RUNX1: variants seen among roughly 807,000 people sequenced by gnomAD.
The protein encoded by RUNX1 is RUNX family transcription factor 1.
Under a neutral mutation model 42.8 loss-of-function variants are expected in RUNX1, and 19 were observed. The observed-to-expected ratio is 0.44, with a 90% CI of 0.31 to 0.65. The LOEUF (loss-of-function observed/expected upper bound fraction) is 0.65, where lower values mean the gene tolerates loss of function less well. Among genes scored for constraint, RUNX1 ranks in the 30% least tolerant of loss-of-function variants. The pLI is 0.07. For missense variants in RUNX1, 528 were observed against 672.0 expected (o/e 0.79, Z 2.37); for synonymous variants, 271 against 289.4 (o/e 0.94, Z 0.64).
intron 3 of RUNX1, among the ~76,000 whole-genome samples, chr21:34,891,212 T>C (rs1476219670): frequency 1.3e-5 from 2 of 152,162 alleles, no homozygotes; most frequent in African/African-American, 2.4e-5. Context: ...ATGCACCGAG[T>C]TTAGCCGTCA....
chr21:34,981,489 T>C lies in RUNX1; in HGVS notation c.58+67353A>G, dbSNP rs137857207. Among the ~76,000 whole-genome samples, 469 of 152,292 alleles carry C rather than the reference T, an allele frequency of 3.1e-3. 2 individuals carry two copies. Among genetic ancestry groups the C allele is most frequent in the African/African-American group, 0.011 (446 of 41,558 alleles). On this transcript the variant is annotated intron_variant, in intron 2 of 8. Transcript: ENST00000675419. ...TAGAAGCCTGGTGCCAAGGAATAGA[T>C]TTTGCATGGATCAGCTTAAGCTCAC...
At chr21:34,899,752 C>T (rs1433301423) in intron 2 of RUNX1, among the ~76,000 whole-genome samples, 1 of 152,236 alleles carries the variant, frequency 6.6e-6, no homozygotes. Flanking sequence ...ATGCAGTTTG[C>T]CTGCAGAGTG....
chr21:34,849,810 T>C (rs1210241015), intron 6 of RUNX1, among the ~76,000 whole-genome samples: 2 of 151,492 alleles, frequency 1.3e-5, no homozygotes, highest in Non-Finnish European at 2.9e-5. Context: ...AGGAAAAGAA[T>C]ATGCGATGAA....
intron 2 of RUNX1, among the ~76,000 whole-genome samples, chr21:35,006,836 C>T (rs556519688): frequency 1.3e-5 from 2 of 152,240 alleles, no homozygotes; most frequent in African/African-American, 2.4e-5. Flanking sequence ...CCAGGCAAAA[C>T]GTGCTGGAAA....
chr21:34,994,196 A>AT (rs11459165), intron 2 of RUNX1, among the ~76,000 whole-genome samples: 41,067 of 150,994 alleles, frequency 0.27, 8,710 homozygotes, highest in African/African-American at 0.59. Flanking sequence ...ACGGAACCAC[A>AT]TTTTTTTTTA....
intron 7 of RUNX1, among the ~76,000 whole-genome samples, chr21:34,825,395 G>A (rs1453293535): frequency 1.3e-5 from 2 of 152,144 alleles, no homozygotes; most frequent in Non-Finnish European, 2.9e-5. Context: ...GATTCCATCG[G>A]TATAGGTGCT....
chr21:34,858,251 C>T (rs1451771546), intron 6 of RUNX1, among the ~76,000 whole-genome samples: 1 of 152,180 alleles, frequency 6.6e-6, no homozygotes, highest in Non-Finnish European at 1.5e-5. Context: ...GCCGTGATCA[C>T]AGGATAGCCT....
At chr21:34,828,832 C>T (rs2146040392) in intron 7 of RUNX1, among the ~76,000 whole-genome samples, 1 of 152,320 alleles carries the variant, frequency 6.6e-6, no homozygotes, top group Non-Finnish European at 1.5e-5. Flanking sequence ...ATGATGGCAC[C>T]TTGCTCTTGG....
chr21:34,965,206 A>ACACACAGCCTCACG (rs1555910194), intron 2 of RUNX1, among the ~76,000 whole-genome samples: 1 of 152,048 alleles, frequency 6.6e-6, no homozygotes, highest in Non-Finnish European at 1.5e-5. Context: ...GCACGTGCAC[A>ACACACAGCCTCACG]CACACAGCCT....
chr21:34,824,371 T>C (rs1165309983), intron 7 of RUNX1, among the ~76,000 whole-genome samples: 1 of 152,200 alleles, frequency 6.6e-6, no homozygotes, highest in Non-Finnish European at 1.5e-5. Flanking sequence ...TTCTATACTA[T>C]TTTTCTATTA....
At chr21:34,838,245 T>A (rs1245398042) in intron 6 of RUNX1, among the ~76,000 whole-genome samples, 1 of 152,230 alleles carries the variant, frequency 6.6e-6, no homozygotes, top group Non-Finnish European at 1.5e-5. Context: ...AAATGTAATA[T>A]ATGATCTTCC....
chr21:34,928,961 TGG>T lies in RUNX1; in HGVS notation c.59-36000_59-35999del, dbSNP rs57397826. Among the ~76,000 whole-genome samples, 185 of 138,504 alleles carry T rather than the reference TGG, an allele frequency of 1.3e-3. 1 individual carries two copies. The highest frequency in any genetic ancestry group is 4.6e-3 in the African/African-American group (168 of 36,198). 90.9% of individuals were successfully genotyped at this position (138,504 alleles called of 152,430 possible). ...CAAGCTTATTTCTACAGATTTTTTT[TGG>T]GGGGGGGGGTAGATTTCACTTTGTG... On this transcript the variant is annotated intron_variant, in intron 2 of 8. Transcript: ENST00000675419.
At chr21:34,866,530 T>C (rs970902691) in intron 5 of RUNX1, among the ~76,000 whole-genome samples, 14 of 152,238 alleles carry the variant, frequency 9.2e-5, no homozygotes, top group African/African-American at 3.4e-4. Flanking sequence ...GTATTTTTTA[T>C]GAAGTATTTT....
Position 34,804,932 on chromosome 21 carries a change from T to C in RUNX1, c.806-5470A>G, listed in dbSNP as rs549129084. Reference sequence around the variant, plus strand: ...ATTTTTTCTTTTTTTTTGTAATTTTTGGTAGAGACAGGGTTTCACCATGTT... The same window carrying C: ...ATTTTTTCTTTTTTTTTGTAATTTTCGGTAGAGACAGGGTTTCACCATGTT... On this transcript the variant is annotated intron_variant, in intron 7 of 8. Coordinates refer to ENST00000675419, the MANE Select transcript of RUNX1 (RefSeq NM_001754.5). Among the ~76,000 whole-genome samples the C allele has an allele frequency of 4.6e-4, 70 of 152,134 alleles. No homozygotes were observed. The East Asian group carries it at 0.011, about 23-fold the overall frequency.
chr21:34,848,912 T>C (rs1224092023), intron 6 of RUNX1, among the ~76,000 whole-genome samples: 3 of 152,136 alleles, frequency 2.0e-5, no homozygotes, highest in African/African-American at 7.2e-5. Context: ...CAAAGGGCCA[T>C]AAATCTATGT....
At chr21:34,882,859 C>G (rs1712212378) in intron 4 of RUNX1, among the ~76,000 whole-genome samples, 2 of 152,126 alleles carry the variant, frequency 1.3e-5, no homozygotes, top group South Asian at 4.1e-4. Context: ...CCTCATCCTC[C>G]TCTCCCTGTG....
intron 2 of RUNX1, among the ~76,000 whole-genome samples, chr21:34,908,729 C>A (rs1014524511): frequency 6.6e-6 from 1 of 152,166 alleles, no homozygotes; most frequent in Non-Finnish European, 1.5e-5. Context: ...GTCTTTATTG[C>A]AAAAGTCTTT....
In RUNX1 at chr21:34,898,928, T is replaced by G. The variant is rs190588415; in HGVS notation, c.59-5965A>C. On this transcript the variant is annotated intron_variant, in intron 2 of 8. Coordinates refer to ENST00000675419, the MANE Select transcript of RUNX1 (RefSeq NM_001754.5). ...CTCAGATAGAACTTTTTATTTTTAT[T>G]TTTTAGACAGAGTCTCACTCTGTCA... Among the ~76,000 whole-genome samples, 355 of 152,210 alleles carry G rather than the reference T, an allele frequency of 2.3e-3. 2 individuals carry two copies. Among genetic ancestry groups the G allele is most frequent in the African/African-American group, 8.2e-3 (340 of 41,538 alleles).
Position 34,792,802 on chromosome 21 carries a change from T to A in RUNX1, c.968-192A>T, listed in dbSNP as rs566708809. On this transcript the variant is annotated intron_variant, in intron 8 of 8. Transcript: ENST00000675419. This position sits in a 1 kb window ranked among gnomAD's most constrained non-coding sequence, Gnocchi z 6.9. ...CCAAGAGGACGAGGATTACCCAGGATGCTATACCCAGGGGGACAGGGACCA... is the reference window on the plus strand; with the variant it reads ...CCAAGAGGACGAGGATTACCCAGGAAGCTATACCCAGGGGGACAGGGACCA... 8.7e-4 allele frequency among the ~76,000 whole-genome samples: 130 copies of A among 149,170 alleles called. 1 individual carries two copies. The highest frequency in any genetic ancestry group is 3.1e-3 in the African/African-American group (126 of 40,160).
Sources: allele counts gnomAD v4.1 joint callset (sites outside exome capture counted in the v4.1 genomes callset), GRCh38; gene constraint gnomAD v4.1.1; non-coding constraint Gnocchi (gnomAD v3.1); transcripts MANE v1.5; gene names NCBI Gene and HGNC (gene_info 2026-07-23, HGNC 2026-07-21).